Variants in ZNF804B observed in about 807,000 individuals in gnomAD.
The protein encoded by ZNF804B is zinc finger protein 804B, also known as zinc finger 804B.
A neutral mutation model predicts 101.4 loss-of-function variants in ZNF804B; 80 were observed. The ratio of observed to expected loss-of-function variants is 0.79; its 90% CI spans 0.66 to 0.95. The LOEUF (loss-of-function observed/expected upper bound fraction) is 0.95. Ranked by LOEUF, ZNF804B falls within the 40% of genes least tolerant of loss-of-function variation. ZNF804B has a pLI of 0.00. For synonymous variants in ZNF804B, 622 were observed against 558.8 expected, an observed-to-expected ratio of 1.11 and a Z score of -1.59; for missense variants, 1,673 against 1,561.9, an observed-to-expected ratio of 1.07 and a Z score of -1.20.
At chr7:88,869,465 C>T (rs1475527166) in intron 1 of ZNF804B, among the ~76,000 whole-genome samples, 1 of 152,168 alleles carries the variant, frequency 6.6e-6, no homozygotes, top group Non-Finnish European at 1.5e-5. Flanking sequence ...CCCACCCCTG[C>T]TTACTTTCTC....
intron 1 of ZNF804B, among the ~76,000 whole-genome samples, chr7:89,185,009 T>C (rs1231934923): frequency 6.6e-6 from 1 of 152,186 alleles, no homozygotes; most frequent in African/African-American, 2.4e-5. Flanking sequence ...TGACAAGTAT[T>C]GATCAATGAT....
chr7:89,134,870 G>A (rs1236112324), intron 1 of ZNF804B, among the ~76,000 whole-genome samples: 1 of 151,558 alleles, frequency 6.6e-6, no homozygotes, highest in Admixed American at 6.6e-5. Flanking sequence ...GAGCTACTAT[G>A]TACTGTGAAT....
intron 1 of ZNF804B, among the ~76,000 whole-genome samples, chr7:88,785,169 C>A (rs140902716): frequency 1.3e-5 from 2 of 152,048 alleles, no homozygotes; most frequent in Non-Finnish European, 2.9e-5. Context: ...ATGTTCAAAA[C>A]GACAAACCTC....
chr7:89,311,474 A>G (rs1790649618), intron 2 of ZNF804B, among the ~76,000 whole-genome samples: 1 of 152,144 alleles, frequency 6.6e-6, no homozygotes, highest in African/African-American at 2.4e-5. Context: ...TGGAATGCCA[A>G]ATTATTTCTT....
chr7:88,923,930 TA>T, intron 1 of ZNF804B, among the ~76,000 whole-genome samples: 1 of 152,292 alleles, frequency 6.6e-6, no homozygotes, highest in South Asian at 2.1e-4. Context: ...TAGCATTTCA[TA>T]AATTGAATGT....
intron 1 of ZNF804B, among the ~76,000 whole-genome samples, chr7:89,148,558 G>A (rs530555027): frequency 6.6e-6 from 1 of 152,090 alleles, no homozygotes; most frequent in East Asian, 1.9e-4. Context: ...CTAAAATAAT[G>A]TTATGTATTT....
chr7:89,229,354 C>T (rs1789151635), intron 2 of ZNF804B, among the ~76,000 whole-genome samples: 2 of 152,102 alleles, frequency 1.3e-5, no homozygotes, highest in Admixed American at 1.3e-4. Flanking sequence ...AATATAAAGA[C>T]CGATTAAAAG....
At chr7:89,143,785 G>C (rs1317903094) in intron 1 of ZNF804B, among the ~76,000 whole-genome samples, 2 of 151,966 alleles carry the variant, frequency 1.3e-5, no homozygotes, top group Admixed American at 1.3e-4. Context: ...TAACAAGTAA[G>C]TATGAGTTTA....
At chr7:89,041,339 G>A (rs544055818) in intron 1 of ZNF804B, among the ~76,000 whole-genome samples, 2 of 152,288 alleles carry the variant, frequency 1.3e-5, no homozygotes, top group Admixed American at 1.3e-4. Flanking sequence ...TTGTGGGCAG[G>A]CCTGGTGCCA....
chr7:88,932,904 G>A (rs1447386436), intron 1 of ZNF804B, among the ~76,000 whole-genome samples: 2 of 151,024 alleles, frequency 1.3e-5, no homozygotes, highest in African/African-American at 2.4e-5. Flanking sequence ...AAAGATAAAC[G>A]ATTCCAAAAG....
intron 1 of ZNF804B, among the ~76,000 whole-genome samples, chr7:88,762,983 G>A (rs1789921792): frequency 6.6e-6 from 1 of 152,044 alleles, no homozygotes; most frequent in South Asian, 2.1e-4. Flanking sequence ...TATTGGTTAA[G>A]ACTACTTTCT....
At chr7:89,201,246 G>A (rs1318605722) in intron 1 of ZNF804B, among the ~76,000 whole-genome samples, 1 of 152,020 alleles carries the variant, frequency 6.6e-6, no homozygotes, top group Middle Eastern at 3.2e-3. Context: ...CCAACCCAGA[G>A]TAGTAACAGA....
intron 2 of ZNF804B, among the ~76,000 whole-genome samples, chr7:89,252,464 A>C (rs1451294541): frequency 6.6e-6 from 1 of 152,196 alleles, no homozygotes; most frequent in Non-Finnish European, 1.5e-5. Context: ...CTACAGTGGA[A>C]AGAAGTTTGG....
chr7:88,968,555 T>C (rs954304407), intron 1 of ZNF804B, among the ~76,000 whole-genome samples: 1 of 151,670 alleles, frequency 6.6e-6, no homozygotes. Context: ...GAGACTGATA[T>C]GGTGAGTGCC....
chr7:88,870,388 A>AC (rs1791803154), intron 1 of ZNF804B, among the ~76,000 whole-genome samples: 1 of 139,584 alleles, frequency 7.2e-6, no homozygotes, highest in African/African-American at 2.8e-5. Flanking sequence ...CCGTCTCAAA[A>AC]AAAAAAAAAA....
At chr7:89,083,197 C>G (rs934217212) in intron 1 of ZNF804B, among the ~76,000 whole-genome samples, 1 of 151,632 alleles carries the variant, frequency 6.6e-6, no homozygotes, top group Non-Finnish European at 1.5e-5. Context: ...GCTAATTAAC[C>G]TAGAAACAGA....
intron 1 of ZNF804B, among the ~76,000 whole-genome samples, chr7:89,195,761 G>A (rs1788538246): frequency 6.6e-6 from 1 of 151,784 alleles, no homozygotes; most frequent in South Asian, 2.1e-4. Context: ...ACCTACAGTA[G>A]GCAAGCAGAG....
At chr7:89,056,295 G>A (rs1489866722) in intron 1 of ZNF804B, among the ~76,000 whole-genome samples, 3 of 152,044 alleles carry the variant, frequency 2.0e-5, no homozygotes, top group Admixed American at 6.6e-5. Flanking sequence ...AAAGCCTGAA[G>A]CCCAGGGGCA....
At chr7:89,297,647 A>G (rs984513086) in intron 2 of ZNF804B, among the ~76,000 whole-genome samples, 4 of 152,056 alleles carry the variant, frequency 2.6e-5, no homozygotes, top group African/African-American at 7.2e-5. Context: ...AGATTTACAG[A>G]AATAGTACAA....
Sources: gnomAD v4.1 joint callset for allele counts (sites outside exome capture counted in the v4.1 genomes callset) on GRCh38, gnomAD v4.1.1 for gene constraint, MANE v1.5 for transcripts, NCBI Gene and HGNC (gene_info 2026-07-23, HGNC 2026-07-21) for gene names.